Variants in FAM117A observed in about 807,000 individuals in gnomAD.
The protein encoded by FAM117A is protein FAM117A.
Under a neutral mutation model 44.1 loss-of-function variants are expected in FAM117A, and 21 were observed. The ratio of observed to expected loss-of-function variants is 0.48; its 90% CI spans 0.34 to 0.69. The LOEUF (loss-of-function observed/expected upper bound fraction) is 0.69. Among genes scored for constraint, FAM117A ranks in the 30% least tolerant of loss-of-function variants. The probability of loss-of-function intolerance (pLI) is 0.01; values close to 1 mark genes in which losing one functional copy is unlikely to be tolerated. For synonymous variants in FAM117A, 220 were observed against 238.3 expected, an observed-to-expected ratio of 0.92 and a Z score of 0.71; for missense variants, 498 against 589.9, an observed-to-expected ratio of 0.84 and a Z score of 1.61.
chr17:49,755,500 T>G (rs1353671272), intron 1 of FAM117A, among the ~76,000 whole-genome samples: 1 of 152,196 alleles, frequency 6.6e-6, no homozygotes, highest in African/African-American at 2.4e-5. Flanking sequence ...TCTGGCTTTT[T>G]AACAAAATCA....
chr17:49,716,362 T>C (rs770280669), intron 6 of FAM117A, 47 bp from the exon 7 acceptor site: 1 of 1,478,046 alleles, frequency 6.8e-7, no homozygotes, highest in East Asian at 2.4e-5. Flanking sequence ...AGGGAAGGCC[T>C]CCACTTTTCT....
At chr17:49,751,281 A>T (rs865913284) in intron 1 of FAM117A, among the ~76,000 whole-genome samples, 1 of 142,006 alleles carries the variant, frequency 7.0e-6, no homozygotes, top group Non-Finnish European at 1.6e-5. Flanking sequence ...TCTGTCTCCA[A>T]AAAAAAAAAA....
chr17:49,737,913 G>A (rs1463599334), intron 1 of FAM117A, among the ~76,000 whole-genome samples: 1 of 152,100 alleles, frequency 6.6e-6, no homozygotes, highest in Admixed American at 6.5e-5. Context: ...CTTCTATCAG[G>A]GACACCCTCT....
chr17:49,759,557 A>G lies in FAM117A; in HGVS notation c.196+4335T>C, dbSNP rs117593272. The stretch of plus-strand genomic sequence containing the variant: ...CCCCAGGCCTCATTATAGCAAGATG[A>G]TGCCTTGGCATAGAACGGTTGGAAA... On this transcript the variant is annotated intron_variant, in intron 1 of 7. Transcript: ENST00000240364. 2.5e-3 allele frequency among the ~76,000 whole-genome samples: 378 copies of G among 152,308 alleles called. 3 individuals carry two copies. Among genetic ancestry groups the G allele is most frequent in the South Asian group, 2.5e-3 (12 of 4,828 alleles).
chr17:49,760,666 T>G (rs544892890), intron 1 of FAM117A, among the ~76,000 whole-genome samples: 1 of 152,160 alleles, frequency 6.6e-6, no homozygotes, highest in Admixed American at 6.5e-5. Flanking sequence ...CAAACCTAGA[T>G]GAAACATTAT....
intron 1 of FAM117A, among the ~76,000 whole-genome samples, chr17:49,758,414 A>T (rs1488642831): frequency 6.6e-6 from 1 of 151,694 alleles, no homozygotes; most frequent in East Asian, 1.9e-4. Context: ...TCACAAGGTC[A>T]GGAGTTTGAG....
upstream of FAM117A, among the ~76,000 whole-genome samples, chr17:49,765,385 G>A (rs1324209062): frequency 1.3e-5 from 2 of 152,128 alleles, no homozygotes; most frequent in African/African-American, 2.4e-5. Flanking sequence ...ATGTTAAAAA[G>A]AAGATATTCC....
chr17:49,764,435 A>C (rs1157512019), upstream of FAM117A, among the ~76,000 whole-genome samples: 3 of 151,854 alleles, frequency 2.0e-5, no homozygotes, highest in African/African-American at 4.8e-5. Flanking sequence ...CGTCACACCC[A>C]GTCCCAGGTA....
intron 7 of FAM117A, among the ~76,000 whole-genome samples, chr17:49,714,884 T>A (rs1236497854): frequency 6.6e-6 from 1 of 151,068 alleles, no homozygotes. Flanking sequence ...TGACCTCAGG[T>A]GATAAACACG....
At chr17:49,762,561 A>G (rs1032954881) in intron 1 of FAM117A, among the ~76,000 whole-genome samples, 1 of 152,214 alleles carries the variant, frequency 6.6e-6, no homozygotes, top group African/African-American at 2.4e-5. Flanking sequence ...CCTAGCAAGG[A>G]GTAGCCCTGT....
intron 1 of FAM117A, among the ~76,000 whole-genome samples, chr17:49,774,874 C>T (rs1421414368): frequency 6.6e-6 from 1 of 152,070 alleles, no homozygotes; most frequent in Non-Finnish European, 1.5e-5. Flanking sequence ...TTTGGGGGTT[C>T]CTCATTAAGT....
intron 7 of FAM117A, among the ~76,000 whole-genome samples, chr17:49,713,423 A>G (rs962685020): frequency 2.6e-5 from 4 of 152,216 alleles, no homozygotes; most frequent in African/African-American, 9.6e-5. Flanking sequence ...GTTCTCACCA[A>G]TCACCTTTTT....
At chr17:49,723,665 C>T (rs368022374) in intron 2 of FAM117A, among the ~76,000 whole-genome samples, 55 of 151,844 alleles carry the variant, frequency 3.6e-4, no homozygotes, top group African/African-American at 1.3e-3. Flanking sequence ...AGGGGGAGGA[C>T]GGGGAAAAAA....
chr17:49,772,390 A>T (rs572025168), intron 1 of FAM117A, among the ~76,000 whole-genome samples: 6 of 151,864 alleles, frequency 4.0e-5, no homozygotes, highest in Admixed American at 3.3e-4. Flanking sequence ...GGTGGATCAC[A>T]AGGTCAGGAG....
intron 7 of FAM117A, among the ~76,000 whole-genome samples, chr17:49,715,833 AT>A (rs2073500050): frequency 2.0e-5 from 3 of 152,058 alleles, no homozygotes; most frequent in Non-Finnish European, 4.4e-5. Flanking sequence ...TCTCTCTCTG[AT>A]TATGGTCTAG....
At chr17:49,765,603 T>C (rs1416539840), upstream of FAM117A, 1 of 152,142 alleles carries the variant, frequency 6.6e-6, no homozygotes, top group Non-Finnish European at 1.5e-5. Context: ...TTGCAAAGAG[T>C]GTACTCTTGC....
At chr17:49,775,960 A>C (rs1381946546) in intron 1 of FAM117A, among the ~76,000 whole-genome samples, 1 of 152,172 alleles carries the variant, frequency 6.6e-6, no homozygotes, top group Non-Finnish European at 1.5e-5. Flanking sequence ...TCTCCTGATG[A>C]GAAACCATGG....
At chr17:49,722,183 G>C (rs1015809243) in intron 3 of FAM117A, among the ~76,000 whole-genome samples, 1 of 152,172 alleles carries the variant, frequency 6.6e-6, no homozygotes, top group Non-Finnish European at 1.5e-5. Context: ...CTCCCTCCCT[G>C]TCTTCCTCCA....
Position 49,712,878 on chromosome 17 carries a change from T to C in FAM117A, c.1062-1323A>G, listed in dbSNP as rs905349590. On this transcript the variant is annotated intron_variant, in intron 7 of 7. Coordinates refer to ENST00000240364, the MANE Select transcript of FAM117A (RefSeq NM_030802.4). Reference sequence around the variant, plus strand: ...GTCTCACCCTCCTTTTTAATTTTAATTTTTTAATTGTTTTTAGAGACAGGG... The same window carrying C: ...GTCTCACCCTCCTTTTTAATTTTAACTTTTTAATTGTTTTTAGAGACAGGG... 5.3e-5 allele frequency among the ~76,000 whole-genome samples: 8 copies of C among 152,238 alleles called. 1 individual carries two copies. The highest frequency in any genetic ancestry group is 1.7e-4 in the African/African-American group (7 of 41,528).
Sources: allele counts gnomAD v4.1 joint callset (sites outside exome capture counted in the v4.1 genomes callset), GRCh38; gene constraint gnomAD v4.1.1; transcripts MANE v1.5; gene names NCBI Gene and HGNC (gene_info 2026-07-23, HGNC 2026-07-21).